NRIP1: variants seen among roughly 807,000 people sequenced by gnomAD.
NRIP1 encodes the protein nuclear receptor-interacting protein 1.
In NRIP1, 28 loss-of-function variants were observed where a neutral mutation model predicts 75.0. That is an observed-to-expected ratio of 0.37 (90% CI 0.28 to 0.51). The LOEUF (loss-of-function observed/expected upper bound fraction) is 0.51. Among genes scored for constraint, NRIP1 ranks in the 20% least tolerant of loss-of-function variants. The pLI is 0.92. For missense variants in NRIP1, 1,435 were observed against 1,343.7 expected, an observed-to-expected ratio of 1.07 and a Z score of -1.06; for synonymous variants, 526 against 487.6, an observed-to-expected ratio of 1.08 and a Z score of -1.04.
rs1354715148 is a variant in NRIP1, at chr21:14,965,087, G to A, written c.3106C>T (p.Pro1036Ser). Residue 1036 changes from proline (P) to serine (S), a missense_variant, in exon 4 of 4, where the codon CCC becomes TCC. Physicochemically the swap from Pro to Ser is moderately conservative, Grantham distance 74. Coordinates refer to ENST00000318948, the MANE Select transcript of NRIP1 (RefSeq NM_003489.4). The part of the protein sequence containing the change: ...ESGLLNGCSM[P>S]SEKGPIKWVI... ...CACTTAATGGGTCCTTTCTCACTGG[G>A]CATGGAACACCCATTCAAAAGCCCA... 1 of 1,613,402 alleles carries A rather than the reference G, an allele frequency of 6.2e-7. No individual in the cohort carries two copies. The highest frequency in any genetic ancestry group is 8.5e-7 in the Non-Finnish European group (1 of 1,179,886).
intron 3 of NRIP1, chr21:14,987,981 C>T (rs1220899507): frequency 1.3e-5 from 2 of 152,114 alleles, no homozygotes. Context: ...GAAAACTTTT[C>T]GTAAAGCAAA....
At chr21:15,065,166 G>A (rs1399661502), upstream of NRIP1, among the ~76,000 whole-genome samples, 1 of 152,002 alleles carries the variant, frequency 6.6e-6, no homozygotes, top group Admixed American at 6.6e-5. Flanking sequence ...ATTGTCACCC[G>A]GTCAGGAGGA....
At chr21:15,054,852 G>A (rs1450677010) in intron 1 of NRIP1, among the ~76,000 whole-genome samples, 2 of 152,156 alleles carry the variant, frequency 1.3e-5, no homozygotes, top group Non-Finnish European at 2.9e-5. Flanking sequence ...TATAACACAA[G>A]TTTAACTTTT....
Position 14,961,558 on chromosome 21 carries a change from T to C in NRIP1, c.*3158A>G, listed in dbSNP as rs2042676425. The C allele has an allele frequency of 6.6e-6, 1 of 152,400 alleles. No homozygotes were observed. Among genetic ancestry groups the C allele is most frequent in the South Asian group, 2.1e-4 (1 of 4,820 alleles). The allele number at this position is 152,400 out of a possible 1,614,324, so 9.4% of individuals were successfully genotyped here. On this transcript the variant is annotated 3_prime_UTR_variant, in exon 4 of 4. Coordinates refer to ENST00000318948, the MANE Select transcript of NRIP1 (RefSeq NM_003489.4). ...TGTGTGAATTCTTTATGTTTAAAAG[T>C]GGTTGACGATTAAAAAAATTCTTTA...
intron 2 of NRIP1, among the ~76,000 whole-genome samples, chr21:15,023,391 A>G (rs2088426907): frequency 6.6e-6 from 1 of 152,206 alleles, no homozygotes; most frequent in African/African-American, 2.4e-5. Flanking sequence ...GCTAAATATT[A>G]GAATACTTTT....
chr21:15,031,568 T>C (rs910454008), intron 2 of NRIP1, among the ~76,000 whole-genome samples: 1 of 144,794 alleles, frequency 6.9e-6, no homozygotes, highest in East Asian at 2.0e-4. Flanking sequence ...TCCCTTTCTA[T>C]GTGTATACAC....
intron 3 of NRIP1, among the ~76,000 whole-genome samples, chr21:14,994,649 C>T (rs985145918): frequency 7.9e-5 from 12 of 151,998 alleles, no homozygotes; most frequent in Non-Finnish European, 1.6e-4. Context: ...CAACTGCAAA[C>T]GATATACAAC....
rs182195180 is a variant in NRIP1 at position 14,988,470 on chromosome 21, T to C, written c.-334-19944A>G. Among the ~76,000 whole-genome samples the C allele has an allele frequency of 0.016, 2,427 of 148,354 alleles. 241 individuals carry two copies. In the East Asian group the frequency reaches 0.28, roughly 17 times the overall value. ...ATAGATAGATAGACAGACAGATAGA[T>C]AGATAATATAGATAGATAGTATATA... On this transcript the variant is annotated intron_variant, in intron 3 of 3. Transcript: ENST00000318948.
intron 2 of NRIP1, among the ~76,000 whole-genome samples, chr21:15,024,136 A>G (rs1034721928): frequency 1.2e-4 from 19 of 152,364 alleles, no homozygotes; most frequent in African/African-American, 4.6e-4. Flanking sequence ...CAGAAAGGTT[A>G]ACTATATGCA....
intron 2 of NRIP1, among the ~76,000 whole-genome samples, chr21:15,037,299 T>C (rs2088858016): frequency 6.6e-6 from 1 of 152,206 alleles, no homozygotes; most frequent in Non-Finnish European, 1.5e-5. Flanking sequence ...CAAATGTAAG[T>C]AACTTGCGTA....
intron 3 of NRIP1, among the ~76,000 whole-genome samples, chr21:14,984,721 G>A (rs1057095153): frequency 6.6e-5 from 10 of 152,162 alleles, no homozygotes; most frequent in Middle Eastern, 3.2e-3. Flanking sequence ...GTCAGTCAAC[G>A]TGGCGAATTT....
In NRIP1 at chr21:14,962,717, C is replaced by G. The variant is rs1217246848; in HGVS notation, c.*1999G>C. On this transcript the variant is annotated 3_prime_UTR_variant, in exon 4 of 4. Transcript: ENST00000318948. ...TCAGAATAAGCCTATGCCTTCACTT[C>G]TCCATGATGTTGCATAATACCCACT... is the stretch of plus-strand genomic sequence containing the variant. 1 of 152,460 alleles carries G rather than the reference C, an allele frequency of 6.6e-6. No individual in the cohort carries two copies. The highest frequency in any genetic ancestry group is 1.5e-5 in the Non-Finnish European group (1 of 67,948). The allele number at this position is 152,460 out of a possible 1,614,324, so 9.4% of individuals were successfully genotyped here.
chr21:15,062,277 T>C (rs979889053), intron 1 of NRIP1, among the ~76,000 whole-genome samples: 1 of 152,238 alleles, frequency 6.6e-6, no homozygotes, highest in Non-Finnish European at 1.5e-5. Context: ...CACATTGATT[T>C]TACTCTTCAT....
At chr21:15,032,978 C>A (rs2088743414) in intron 2 of NRIP1, among the ~76,000 whole-genome samples, 1 of 152,164 alleles carries the variant, frequency 6.6e-6, no homozygotes, top group Non-Finnish European at 1.5e-5. Context: ...GTAATCTCAG[C>A]ACTTCGGGAG....
rs911952708 is a variant in NRIP1 at position 14,968,437 on chromosome 21, T to C, written c.-245A>G. Reference sequence around the variant, plus strand: ...GGAGAAGAATTCCTTAACACATAGGTCTGTAGCAGTAAGCAGATAGAATCC... The same window carrying C: ...GGAGAAGAATTCCTTAACACATAGGCCTGTAGCAGTAAGCAGATAGAATCC... On this transcript the variant is annotated 5_prime_UTR_variant, in exon 4 of 4. Transcript: ENST00000318948. 6.9e-6 allele frequency: 3 copies of C among 434,698 alleles called. No individual in the cohort carries two copies. The highest frequency in any genetic ancestry group is 1.0e-4 in the South Asian group (2 of 19,282). The allele number at this position is 434,698 out of a possible 1,614,324, so 26.9% of individuals were successfully genotyped here. A position where few individuals can be genotyped will look rare whatever the true frequency, so the allele number is the denominator to read the frequency against.
chr21:15,051,438 C>G (rs979508613), intron 1 of NRIP1: 1 of 153,478 alleles, frequency 6.5e-6, no homozygotes, highest in African/African-American at 2.4e-5. Flanking sequence ...AGATAACACT[C>G]AGAAAAGAAC....
At chr21:15,030,132 T>C (rs185195981) in intron 2 of NRIP1, among the ~76,000 whole-genome samples, 86 of 152,312 alleles carry the variant, frequency 5.6e-4, no homozygotes, top group Middle Eastern at 3.4e-3. Flanking sequence ...TGTGGGAAAA[T>C]AGCCATCTTT....
At chr21:15,029,289 C>A (rs1167288922) in intron 2 of NRIP1, among the ~76,000 whole-genome samples, 1 of 152,108 alleles carries the variant, frequency 6.6e-6, no homozygotes, top group East Asian at 1.9e-4. Context: ...TGTGACCCTC[C>A]CTCACTCACC....
rs1231866605 is a variant in NRIP1, at chr21:15,031,142, C to T, written c.-458+12353G>A. Among the ~76,000 whole-genome samples the T allele has an allele frequency of 7.4e-5, 9 of 121,552 alleles. 1 individual carries two copies. Among genetic ancestry groups the T allele is most frequent in the East Asian group, 5.6e-4 (2 of 3,552 alleles). The allele number at this position is 121,552 out of a possible 152,430, so 79.7% of individuals were successfully genotyped here. On this transcript the variant is annotated intron_variant, in intron 2 of 3. Coordinates refer to ENST00000318948, the MANE Select transcript of NRIP1 (RefSeq NM_003489.4). ...ATGTGTATACACTCTGGAAGGCGCA[C>T]GGAGGATCACCACATTCCCTTTCTA...
Sources: allele counts gnomAD v4.1 joint callset (sites outside exome capture counted in the v4.1 genomes callset), GRCh38; gene constraint gnomAD v4.1.1; transcripts MANE v1.5; gene names NCBI Gene and HGNC (gene_info 2026-07-23, HGNC 2026-07-21).